Variants in PRAMEF1 observed in about 807,000 individuals in gnomAD.
The protein encoded by PRAMEF1 is PRAME family member 1.
A neutral mutation model predicts 38.2 loss-of-function variants in PRAMEF1; 21 were observed. That is an observed-to-expected ratio of 0.55 (90% confidence interval 0.39 to 0.79). PRAMEF1 has a LOEUF of 0.79. PRAMEF1 is among the 30% of genes least tolerant of loss of function. The probability of loss-of-function intolerance (pLI) is 0.00; values close to 1 mark genes in which losing one functional copy is unlikely to be tolerated. For synonymous variants in PRAMEF1, 200 were observed against 229.0 expected (o/e 0.87, Z 1.14); for missense variants, 497 against 565.8 (o/e 0.88, Z 1.23).
At position 12,793,437 on chromosome 1, in the gene PRAMEF1, G is replaced by A; in HGVS notation, c.210G>A (p.Met70Ile). 6.2e-7 allele frequency: 1 copy of A among 1,610,020 alleles called. No individual in the cohort carries two copies. The highest frequency in any genetic ancestry group is 8.5e-7 in the Non-Finnish European group (1 of 1,177,926). Reference sequence around the variant, plus strand: ...CCTGCCTCCCTCTGGGATCACTGATGAAGACGCTTCATTTGGAGACCTTAA... The same window carrying A: ...CCTGCCTCCCTCTGGGATCACTGATAAAGACGCTTCATTTGGAGACCTTAA... ...PFTCLPLGSL[M>I]KTLHLETLKA... The change falls in exon 2 of 4, where the codon ATG becomes ATA. Residue 70 changes from methionine (M) to isoleucine (I), a missense_variant. Met to Ile is a conservative substitution (Grantham distance 10). This residue lies in a region of PRAMEF1 where 470 missense variants were observed against 501.9 expected (regional missense o/e 0.94). Coordinates refer to ENST00000332296, the MANE Select transcript of PRAMEF1 (RefSeq NM_023013.4).
chr1:12,795,233 C>T (rs1356490956), intron 3 of PRAMEF1, among the ~76,000 whole-genome samples: 1 of 151,200 alleles, frequency 6.6e-6, no homozygotes, highest in Non-Finnish European at 1.5e-5. Context: ...GAACCAATCA[C>T]ACAAGCAATG....
Position 12,792,229 on chromosome 1 carries a change from C to T in PRAMEF1, c.-26+755C>T, listed in dbSNP as rs1223583896. Among the ~76,000 whole-genome samples, 4 of 151,154 alleles carry T rather than the reference C, an allele frequency of 2.6e-5. No individual in the cohort carries two copies. The East Asian group carries it at 5.9e-4, about 22-fold the overall frequency. On this transcript the variant is annotated intron_variant, in intron 1 of 3. Coordinates refer to ENST00000332296, the MANE Select transcript of PRAMEF1 (RefSeq NM_023013.4). The stretch of plus-strand genomic sequence containing the variant: ...TAGACACAGGGTTTTGCCATGTTGG[C>T]CATGCTGTCCTCAAACTCCTGACCT...
chr1:12,792,927 G>C (rs940959353), intron 1 of PRAMEF1, among the ~76,000 whole-genome samples: 2 of 151,004 alleles, frequency 1.3e-5, no homozygotes, highest in Non-Finnish European at 3.0e-5. Context: ...AATGGAGGCT[G>C]TCTGGGGCCA....
At position 12,795,575 on chromosome 1, in the gene PRAMEF1, T is replaced by C. The variant is rs768757255; in HGVS notation, c.1004T>C (p.Ile335Thr). ...LNLSYVLLFR[I>T]SLEPLGALLE... is the part of the protein sequence containing the mutation. ...CTCAGCTACGTGCTGCTGTTCCGCA[T>C]CAGTCTTGAACCCCTCGGAGCTCTG... The change falls in exon 4 of 4, where the codon ATC becomes ACC. Residue 335 changes from isoleucine (I) to threonine (T), a missense_variant. Coordinates refer to ENST00000332296, the MANE Select transcript of PRAMEF1 (RefSeq NM_023013.4). 2.0e-5 allele frequency: 32 copies of C among 1,612,170 alleles called. No homozygotes were observed. In the East Asian group the frequency reaches 6.0e-4, roughly 30 times the overall value.
intron 1 of PRAMEF1, 75 bp from the exon 2 acceptor site, chr1:12,793,128 C>T: frequency 3.2e-6 from 5 of 1,549,122 alleles, no homozygotes; most frequent in Non-Finnish European, 4.4e-6. Flanking sequence ...GGAAGACATT[C>T]TTCCTGGTAC....
At chr1:12,794,649 G>A in intron 3 of PRAMEF1, 156 bp downstream of exon 3, 3 of 1,508,698 alleles carry the variant, frequency 2.0e-6, no homozygotes. Context: ...AGTGTTCCAT[G>A]TCCTGGAGTG....
At position 12,796,113 on chromosome 1, in the gene PRAMEF1, A is replaced by T; in HGVS notation, c.*117A>T. On this transcript the variant is annotated 3_prime_UTR_variant, in exon 4 of 4. Transcript: ENST00000332296. ...TCTTTTCTTATTTATTTCATTTTTT[A>T]ATAATTCCAAAATTTTTATTAAAGA... is the stretch of plus-strand genomic sequence containing the variant. The T allele has an allele frequency of 7.5e-7, 1 of 1,334,840 alleles. No individual in the cohort carries two copies. The highest frequency in any genetic ancestry group is 2.6e-5 in the East Asian group (1 of 38,270). 82.7% of individuals were successfully genotyped at this position (1,334,840 alleles called of 1,614,324 possible). A position where few individuals can be genotyped will look rare whatever the true frequency, so the allele number is the denominator to read the frequency against.
rs1639402830 is a variant in PRAMEF1, at chr1:12,796,311, A to C, written c.*315A>C. The stretch of plus-strand genomic sequence containing the variant: ...GCAAGTGTTCAGTGTGAGGGAAAAA[A>C]CATAACAGCAGGGGGCAAGGTTGGA... On this transcript the variant is annotated 3_prime_UTR_variant, in exon 4 of 4. Transcript: ENST00000332296. The C allele has an allele frequency of 2.3e-6, 1 of 428,694 alleles. No individual in the cohort carries two copies. Among genetic ancestry groups the C allele is most frequent in the South Asian group, 3.2e-5 (1 of 30,878 alleles). The allele number at this position is 428,694 out of a possible 1,614,324, so 26.6% of individuals were successfully genotyped here. A position where few individuals can be genotyped will look rare whatever the true frequency, so the allele number is the denominator to read the frequency against.
intron 3 of PRAMEF1, 159 bp downstream of exon 3, chr1:12,794,652 C>T: frequency 1.3e-6 from 2 of 1,503,494 alleles, no homozygotes; most frequent in Non-Finnish European, 1.8e-6. Flanking sequence ...GTTCCATGTC[C>T]TGGAGTGGCT....
rs551104419 is a variant in PRAMEF1, at chr1:12,791,875, C to T, written c.-26+401C>T. ...ATCCCACACAGCAATCTCAAGAGTG[C>T]AGTTTTGCTCAGATCATGGGATTCA... On this transcript the variant is annotated intron_variant, in intron 1 of 3. Coordinates refer to ENST00000332296, the MANE Select transcript of PRAMEF1 (RefSeq NM_023013.4). Among the ~76,000 whole-genome samples the T allele has an allele frequency of 2.7e-4, 41 of 150,988 alleles. 2 individuals are homozygous for T. The highest frequency in any genetic ancestry group is 5.6e-4 in the Non-Finnish European group (38 of 67,690).
intron 1 of PRAMEF1, among the ~76,000 whole-genome samples, chr1:12,792,794 T>A (rs1639316694): frequency 6.6e-6 from 1 of 150,996 alleles, no homozygotes. Flanking sequence ...GTGTTGGGAT[T>A]ACAGACATGA....
chr1:12,794,517 T>A lies in PRAMEF1; in HGVS notation c.866+24T>A. The A allele has an allele frequency of 3.7e-6, 6 of 1,609,180 alleles. 1 individual carries two copies. Among genetic ancestry groups the A allele is most frequent in the Non-Finnish European group, 4.2e-6 (5 of 1,177,212 alleles). ...AGGTGAGAAAGGATCATGCACTTTG[T>A]ATGCAGACCACAGCATAGCCTTGTT... On this transcript the variant is annotated intron_variant, in intron 3 of 3. Transcript: ENST00000332296.
At chr1:12,794,880 T>G in intron 3 of PRAMEF1, 1 of 1,318,028 alleles carries the variant, frequency 7.6e-7, no homozygotes, top group Non-Finnish European at 1.0e-6. Flanking sequence ...CATTTCACAA[T>G]AGAACGTCTG....
Position 12,793,252 on chromosome 1 carries a change from C to T in PRAMEF1, c.25C>T (p.Leu9=), listed in dbSNP as rs1159774571. The T allele has an allele frequency of 1.9e-6, 3 of 1,606,820 alleles. No individual in the cohort carries two copies. In the African/African-American group the frequency reaches 4.0e-5, roughly 22 times the overall value. The change falls in exon 2 of 4, where the codon CTA becomes TTA. Residue 9 remains leucine (L), a synonymous_variant. Transcript: ENST00000332296. ...GATGAGCATCCAGGCCCCACCCAGA[C>T]TACTGGAGCTGGCAGGGCAGAGCCT... The part of the protein sequence containing the change: MSIQAPPR[L]LELAGQSLLR...
rs766928657 is a variant in PRAMEF1, at chr1:12,792,510, C to T, written c.-25-693C>T. ...GCTTCAAGTGATTCTCCTTTCTCTG[C>T]CTCCAGAGTAGCTAGGATTACAGTC... On this transcript the variant is annotated intron_variant, in intron 1 of 3. Coordinates refer to ENST00000332296, the MANE Select transcript of PRAMEF1 (RefSeq NM_023013.4). Among the ~76,000 whole-genome samples the T allele has an allele frequency of 3.3e-5, 5 of 151,138 alleles. 1 individual carries two copies. Among genetic ancestry groups the T allele is most frequent in the South Asian group, 4.2e-4 (2 of 4,706 alleles).
rs1639323017 is a variant in PRAMEF1 at position 12,793,105 on chromosome 1, C to A, written c.-25-98C>A. On this transcript the variant is annotated intron_variant, in intron 1 of 3. Transcript: ENST00000332296. ...AGTCAGTGGTCTCCATGACCCCTCCCTCCTTGGTGTTTGGAAGACATTCTT... is the reference window on the plus strand; with the variant it reads ...AGTCAGTGGTCTCCATGACCCCTCCATCCTTGGTGTTTGGAAGACATTCTT... 6 of 1,479,292 alleles carry A rather than the reference C, an allele frequency of 4.1e-6. No individual in the cohort carries two copies. In the South Asian group the frequency reaches 7.8e-5, roughly 19 times the overall value. The allele number at this position is 1,479,292 out of a possible 1,614,324, so 91.6% of individuals were successfully genotyped here.
chr1:12,794,486 C>T lies in PRAMEF1; in HGVS notation c.859C>T (p.Leu287=), dbSNP rs1639356875. 6.2e-7 allele frequency: 1 copy of T among 1,610,172 alleles called. No individual in the cohort carries two copies. The highest frequency in any genetic ancestry group is 1.1e-5 in the South Asian group (1 of 90,556). ...CTTCTTCAGTGGGCACCTGGAACAGCTGATCAGGTGAGAAAGGATCATGCA... is the reference window on the plus strand; with the variant it reads ...CTTCTTCAGTGGGCACCTGGAACAGTTGATCAGGTGAGAAAGGATCATGCA... The part of the protein sequence containing the change: ...ITFFSGHLEQ[L]IRCLQNPLEN... Residue 287 remains leucine, a synonymous_variant, in exon 3 of 4, where the codon CTG becomes TTG. Coordinates refer to ENST00000332296, the MANE Select transcript of PRAMEF1 (RefSeq NM_023013.4).
chr1:12,793,467 A>G lies in PRAMEF1; in HGVS notation c.240A>G (p.Ala80=), dbSNP rs1460510641. The change falls in exon 2 of 4, where the codon GCA becomes GCG. Residue 80 remains alanine, a synonymous_variant. Transcript: ENST00000332296. The stretch of plus-strand genomic sequence containing the variant: ...CGCTTCATTTGGAGACCTTAAAAGC[A>G]TTGCTGGAAGGGCTTCATATGCTGC... ...MKTLHLETLK[A]LLEGLHMLLT... is the part of the protein sequence containing the mutation. The G allele has an allele frequency of 6.8e-6, 11 of 1,609,294 alleles. 1 individual carries two copies. Among genetic ancestry groups the G allele is most frequent in the Non-Finnish European group, 9.3e-6 (11 of 1,177,772 alleles).
At chr1:12,792,639 C>G (rs2359500) in intron 1 of PRAMEF1, among the ~76,000 whole-genome samples, 1 of 151,338 alleles carries the variant, frequency 6.6e-6, no homozygotes, top group African/African-American at 2.4e-5. Context: ...AGCAGTGGTG[C>G]GATCTTGGCT....
Sources: gnomAD v4.1 joint callset for allele counts (sites outside exome capture counted in the v4.1 genomes callset) on GRCh38, gnomAD v4.1.1 for gene constraint, gnomAD v4.1.1 regional missense constraint, MANE v1.5 for transcripts, NCBI Gene and HGNC (gene_info 2026-07-23, HGNC 2026-07-21) for gene names.